The following GCFC2 variants were observed in gnomAD, a reference collection of about 807,000 sequenced individuals.
The protein encoded by GCFC2 is GC-rich sequence DNA-binding factor 2, also known as intron Large complex component GCFC2.
In GCFC2, 102 loss-of-function variants were observed where a neutral mutation model predicts 99.4. That is an observed-to-expected ratio of 1.03 (90% CI 0.87 to 1.21). GCFC2 has a LOEUF of 1.21. Ranked by LOEUF, GCFC2 falls within the 50% of genes most tolerant of loss-of-function variation. The probability of loss-of-function intolerance (pLI) is 0.00; values close to 1 mark genes in which losing one functional copy is unlikely to be tolerated. For synonymous variants in GCFC2, 338 were observed against 316.8 expected, an observed-to-expected ratio of 1.07 and a Z score of -0.71; for missense variants, 973 against 920.9, an observed-to-expected ratio of 1.06 and a Z score of -0.73.
chr2:75,710,714 C>T lies in GCFC2; in HGVS notation c.142G>A (p.Gly48Arg), dbSNP rs533418562. ...PGSAEEEPPS[G>R]GGRAQVAGLP... is the part of the protein sequence containing the mutation. The stretch of plus-strand genomic sequence containing the variant: ...CCCGCCACCTGCGCGCGGCCTCCTC[C>T]AGAGGGCGGCTCTTCCTCCGCAGAA... The change falls in exon 1 of 17, where the codon GGA becomes AGA. Residue 48 changes from glycine to arginine, a missense_variant. Physicochemically the swap from Gly to Arg is moderately radical, Grantham distance 125. Coordinates refer to ENST00000321027, the MANE Select transcript of GCFC2 (RefSeq NM_003203.5). The T allele has an allele frequency of 1.3e-6, 2 of 1,547,266 alleles. No homozygotes were observed. The highest frequency in any genetic ancestry group is 1.7e-6 in the Non-Finnish European group (2 of 1,151,544).
chr2:75,710,881 C>T lies in GCFC2; in HGVS notation c.-26G>A. ...GGCCGAGGCCCGAGCGCCCGGCGCC[C>T]TAGAACCCGCTGAACCGCAAGCCGC... On this transcript the variant is annotated 5_prime_UTR_variant, in exon 1 of 17. Transcript: ENST00000321027. 6.6e-7 allele frequency: 1 copy of T among 1,520,204 alleles called. No homozygotes were observed. The highest frequency in any genetic ancestry group is 8.8e-7 in the Non-Finnish European group (1 of 1,140,370). 94.2% of individuals were successfully genotyped at this position (1,520,204 alleles called of 1,614,324 possible).
intron 15 of GCFC2, among the ~76,000 whole-genome samples, chr2:75,667,907 A>G (rs1029294320): frequency 9.9e-5 from 15 of 152,252 alleles, no homozygotes; most frequent in African/African-American, 3.1e-4. Context: ...ACTATGATAT[A>G]AAAACTATAG....
At chr2:75,686,391 C>G (rs7581835) in intron 11 of GCFC2, among the ~76,000 whole-genome samples, 76,001 of 151,914 alleles carry the variant, frequency 0.5, 20,589 homozygotes, top group African/African-American at 0.73. Context: ...ATGAGCAACT[C>G]CACCCAGCCA....
chr2:75,705,866 T>C (rs775322680), intron 2 of GCFC2, among the ~76,000 whole-genome samples: 10 of 152,202 alleles, frequency 6.6e-5, no homozygotes, highest in Non-Finnish European at 1.5e-4. Context: ...ATAGGGTCTT[T>C]GTGGCAACTT....
rs1182204657 is a variant in GCFC2, at chr2:75,702,438, G to C, written c.395-15C>G. 6.2e-7 allele frequency: 1 copy of C among 1,602,182 alleles called. No homozygotes were observed. The highest frequency in any genetic ancestry group is 1.3e-5 in the African/African-American group (1 of 74,362). On this transcript the variant is annotated splice_polypyrimidine_tract_variant and intron_variant, in intron 2 of 16. Coordinates refer to ENST00000321027, the MANE Select transcript of GCFC2 (RefSeq NM_003203.5). ...TGGGATCTTAACTGAAGGAAACAAA[G>C]ACGAGGACACTAAAAACCAAAGACC...
At chr2:75,681,989 C>T (rs1679602119) in intron 11 of GCFC2, among the ~76,000 whole-genome samples, 1 of 151,916 alleles carries the variant, frequency 6.6e-6, no homozygotes, top group Non-Finnish European at 1.5e-5. Context: ...GACAGAGCAC[C>T]TGGGGAAAGG....
upstream of GCFC2, among the ~76,000 whole-genome samples, chr2:75,712,582 C>T (rs182515091): frequency 2.2e-4 from 34 of 152,278 alleles, no homozygotes; most frequent in African/African-American, 7.7e-4. Flanking sequence ...GCTCCGGTCC[C>T]CTTCCACAGT....
intron 1 of GCFC2, among the ~76,000 whole-genome samples, chr2:75,707,498 A>G (rs539457302): frequency 2.0e-5 from 3 of 152,202 alleles, no homozygotes; most frequent in Non-Finnish European, 4.4e-5. Flanking sequence ...TTAATTTTCT[A>G]CCTTAGTTAG....
chr2:75,665,556 A>G (rs1421734451), intron 16 of GCFC2, among the ~76,000 whole-genome samples: 4 of 152,252 alleles, frequency 2.6e-5, no homozygotes, highest in Non-Finnish European at 5.9e-5. Context: ...TTCAGAACAG[A>G]GAGCTAGCTA....
chr2:75,689,801 C>A (rs889749811), intron 9 of GCFC2, among the ~76,000 whole-genome samples, 168 bp downstream of exon 9: 2 of 152,076 alleles, frequency 1.3e-5, no homozygotes, highest in Non-Finnish European at 2.9e-5. Flanking sequence ...TCATTTTACT[C>A]CATTTTTTCA....
intron 15 of GCFC2, chr2:75,669,890 A>G: frequency 4.4e-6 from 1 of 225,140 alleles, no homozygotes; most frequent in Admixed American, 5.0e-5. Flanking sequence ...GCACCTGGCT[A>G]ATTTTTGTAT....
chr2:75,668,207 C>T (rs1225387119), intron 15 of GCFC2, among the ~76,000 whole-genome samples: 1 of 152,206 alleles, frequency 6.6e-6, no homozygotes, highest in Non-Finnish European at 1.5e-5. Context: ...GATTAAAAAA[C>T]TTTCCAAGAC....
intron 12 of GCFC2, among the ~76,000 whole-genome samples, chr2:75,679,058 G>A (rs148910633): frequency 3.8e-4 from 57 of 149,914 alleles, no homozygotes; most frequent in African/African-American, 1.3e-3. Flanking sequence ...CTTACAGAGT[G>A]CCTAGTACAC....
At position 75,693,143 on chromosome 2, in the gene GCFC2, C is replaced by A. The variant is rs369153523; in HGVS notation, c.1021-1043G>T. ...AGCATCTCATTGTTTTAATTATAAACAAAAAATAATGTGGGCTGAGTGCAG... is the reference window on the plus strand; with the variant it reads ...AGCATCTCATTGTTTTAATTATAAAAAAAAAATAATGTGGGCTGAGTGCAG... On this transcript the variant is annotated intron_variant, in intron 6 of 16. Coordinates refer to ENST00000321027, the MANE Select transcript of GCFC2 (RefSeq NM_003203.5). 2.0e-5 allele frequency among the ~76,000 whole-genome samples: 3 copies of A among 152,162 alleles called. No homozygotes were observed. The East Asian group carries it at 5.8e-4, about 29-fold the overall frequency.
chr2:75,691,865 G>A (rs1267598241), intron 7 of GCFC2, 112 bp downstream of exon 7: 1 of 478,986 alleles, frequency 2.1e-6, no homozygotes, highest in Non-Finnish European at 3.2e-6. Flanking sequence ...GTGGGTAAAG[G>A]GTTTGTGGGA....
chr2:75,679,020 G>T lies in GCFC2; in HGVS notation c.1812+1173C>A, dbSNP rs116017026. 3.7e-3 allele frequency among the ~76,000 whole-genome samples: 560 copies of T among 152,320 alleles called. 3 individuals carry two copies. The highest frequency in any genetic ancestry group is 0.013 in the African/African-American group (539 of 41,568). ...GATCACCCATTTTTTAAATAGGGCT[G>T]CTGGGATTAAGATGACAGGTACAAG... On this transcript the variant is annotated intron_variant, in intron 12 of 16. Coordinates refer to ENST00000321027, the MANE Select transcript of GCFC2 (RefSeq NM_003203.5).
chr2:75,687,526 T>C (rs1327277956), intron 11 of GCFC2, among the ~76,000 whole-genome samples: 2 of 152,068 alleles, frequency 1.3e-5, no homozygotes, highest in Non-Finnish European at 2.9e-5. Context: ...GTGTGGTATT[T>C]TGGTAGCCAA....
chr2:75,700,776 A>C (rs186668922), intron 4 of GCFC2, among the ~76,000 whole-genome samples: 5 of 152,206 alleles, frequency 3.3e-5, no homozygotes, highest in Admixed American at 3.3e-4. Context: ...TAATCCCTGG[A>C]AAGTGCAAAC....
At chr2:75,678,143 C>A (rs193232829) in intron 12 of GCFC2, among the ~76,000 whole-genome samples, 1 of 152,096 alleles carries the variant, frequency 6.6e-6, no homozygotes, top group South Asian at 2.1e-4. Flanking sequence ...AAATACATTT[C>A]ACAGGGTTAT....
Sources: gnomAD v4.1 joint callset for allele counts (sites outside exome capture counted in the v4.1 genomes callset) on GRCh38, gnomAD v4.1.1 for gene constraint, MANE v1.5 for transcripts, NCBI Gene and HGNC (gene_info 2026-07-23, HGNC 2026-07-21) for gene names.